PAK2: variants seen among roughly 807,000 people sequenced by gnomAD.
PAK2 encodes serine/threonine-protein kinase PAK 2.
PAK2 carries 21 observed loss-of-function variants against 65.9 expected under a neutral mutation model. The observed-to-expected ratio is 0.32, with a 90% CI of 0.23 to 0.46. The LOEUF (loss-of-function observed/expected upper bound fraction) is 0.46. Ranked by LOEUF, PAK2 falls within the 20% of genes least tolerant of loss-of-function variation. PAK2 has a pLI of 1.00. For missense variants in PAK2, 324 were observed against 642.6 expected (o/e 0.50, Z 5.36); for synonymous variants, 204 against 219.7 (o/e 0.93, Z 0.63).
intron 13 of PAK2, among the ~76,000 whole-genome samples, chr3:196,823,209 A>T (rs755141588): frequency 1.6e-4 from 25 of 152,126 alleles, no homozygotes; most frequent in Non-Finnish European, 3.5e-4. Context: ...GTATCAGTGG[A>T]GGTGGGAAAA....
intron 1 of PAK2, among the ~76,000 whole-genome samples, chr3:196,753,022 C>G (rs1017837690): frequency 2.0e-5 from 3 of 151,514 alleles, no homozygotes; most frequent in Non-Finnish European, 2.9e-5. Flanking sequence ...CCTGTGTCAC[C>G]CAGGCTGGAG....
intron 2 of PAK2, among the ~76,000 whole-genome samples, chr3:196,788,664 A>G (rs558973202): frequency 7.9e-5 from 12 of 152,218 alleles, no homozygotes; most frequent in Non-Finnish European, 1.8e-4. Context: ...AGTGCACAAC[A>G]TGTGTCCAAT....
At chr3:196,771,491 A>G (rs922021603) in intron 1 of PAK2, among the ~76,000 whole-genome samples, 1 of 151,998 alleles carries the variant, frequency 6.6e-6, no homozygotes, top group African/African-American at 2.4e-5. Context: ...CCTTCATTCT[A>G]CCACCTTCTG....
intron 1 of PAK2, among the ~76,000 whole-genome samples, chr3:196,750,457 G>A (rs904515587): frequency 2.6e-5 from 4 of 152,006 alleles, no homozygotes; most frequent in Non-Finnish European, 5.9e-5. Context: ...TATTTGGTAC[G>A]TGTGTAAATT....
Position 196,812,810 on chromosome 3 carries a change from G to A in PAK2, c.894G>A (p.Met298Ile). ...TGATCATTAACGAGATTCTGGTGAT[G>A]AAAGAATTGAAAAATCCCAACATCG... Reference protein sequence around the residue: ...KELIINEILVMKELKNPNIVN... With the variant: ...KELIINEILVIKELKNPNIVN... Residue 298 changes from methionine (M) to isoleucine (I), a missense_variant, in exon 10 of 15, where the codon ATG (methionine) becomes ATA (isoleucine). Physicochemically the swap from Met to Ile is conservative, Grantham distance 10. Around this residue, in one of 5 missense-constraint regions of PAK2, gnomAD observed 183 missense variants for 246.2 expected, o/e 0.74. Transcript: ENST00000327134. 1 of 1,566,618 alleles carries A rather than the reference G, an allele frequency of 6.4e-7. No individual in the cohort carries two copies. The highest frequency in any genetic ancestry group is 8.8e-7 in the Non-Finnish European group (1 of 1,137,446).
chr3:196,749,697 C>T (rs1406327779), intron 1 of PAK2, among the ~76,000 whole-genome samples: 1 of 152,166 alleles, frequency 6.6e-6, no homozygotes, highest in Non-Finnish European at 1.5e-5. Context: ...TCCAAAGTGG[C>T]TGTACCATTT....
At chr3:196,804,386 A>T (rs1029205680) in intron 4 of PAK2, among the ~76,000 whole-genome samples, 2 of 152,160 alleles carry the variant, frequency 1.3e-5, no homozygotes, top group African/African-American at 4.8e-5. Context: ...TTGAAAAACC[A>T]ATGTTTGACC....
rs1007282673 is a variant in PAK2, at chr3:196,740,124, G to C, written c.-55G>C. 1.3e-5 allele frequency: 2 copies of C among 152,164 alleles called. No individual in the cohort carries two copies. The highest frequency in any genetic ancestry group is 6.5e-5 in the Admixed American group (1 of 15,296). The allele number at this position is 152,164 out of a possible 1,614,324, so 9.4% of individuals were successfully genotyped here. On this transcript the variant is annotated 5_prime_UTR_variant, in exon 1 of 15. Transcript: ENST00000327134. ...GCCCGCCGGGAGCTCTGACCGAGGC[G>C]CCTCGCTGGGGCGGGGACCTTGCCT... is the stretch of plus-strand genomic sequence containing the variant.
At chr3:196,767,082 C>T (rs1430183974) in intron 1 of PAK2, among the ~76,000 whole-genome samples, 1 of 151,520 alleles carries the variant, frequency 6.6e-6, no homozygotes, top group East Asian at 1.9e-4. Context: ...TACTCCATGG[C>T]AGTATATGGA....
intron 13 of PAK2, among the ~76,000 whole-genome samples, chr3:196,821,070 A>G (rs916834004): frequency 2.0e-5 from 3 of 151,908 alleles, no homozygotes; most frequent in African/African-American, 7.3e-5. Flanking sequence ...CAAATTCTTG[A>G]CCTCAGTTGA....
intron 2 of PAK2, among the ~76,000 whole-genome samples, chr3:196,801,181 A>G (rs1282259834): frequency 1.3e-5 from 2 of 152,330 alleles, no homozygotes; most frequent in African/African-American, 4.8e-5. Flanking sequence ...GACAGTGTGT[A>G]TTATCTGCGG....
chr3:196,810,743 A>G (rs1309231810), intron 8 of PAK2, 90 bp downstream of exon 8: 3 of 744,262 alleles, frequency 4.0e-6, no homozygotes, highest in Non-Finnish European at 7.4e-6. Flanking sequence ...GCCGACATCA[A>G]GTACTTATAT....
rs555209858 is a variant in PAK2 at position 196,831,834 on chromosome 3, T to A, written c.*3429T>A. 4.6e-5 allele frequency: 7 copies of A among 152,318 alleles called. No individual in the cohort carries two copies. The highest frequency in any genetic ancestry group is 1.7e-4 in the African/African-American group (7 of 41,574). The allele number at this position is 152,318 out of a possible 1,614,324, so 9.4% of individuals were successfully genotyped here. A position where few individuals can be genotyped will look rare whatever the true frequency, so the allele number is the denominator to read the frequency against. On this transcript the variant is annotated 3_prime_UTR_variant, in exon 15 of 15. Coordinates refer to ENST00000327134, the MANE Select transcript of PAK2 (RefSeq NM_002577.4). ...GTGTCAAAATATTATAGATTATAGC[T>A]AAAATCCAGATTAATACTCATTTGG...
At chr3:196,782,999 A>G (rs1245366731) in intron 2 of PAK2, among the ~76,000 whole-genome samples, 166 bp downstream of exon 2, 1 of 152,252 alleles carries the variant, frequency 6.6e-6, no homozygotes, top group East Asian at 1.9e-4. Flanking sequence ...TGTGATTTTT[A>G]AAAGAATAAA....
intron 3 of PAK2, among the ~76,000 whole-genome samples, chr3:196,802,266 G>A (rs1715442961): frequency 6.6e-6 from 1 of 152,030 alleles, no homozygotes; most frequent in Admixed American, 6.6e-5. Flanking sequence ...CCAAGCGTGG[G>A]GGTGTATGCC....
At chr3:196,795,309 A>G (rs1381861021) in intron 2 of PAK2, among the ~76,000 whole-genome samples, 1 of 151,966 alleles carries the variant, frequency 6.6e-6, no homozygotes, top group Admixed American at 6.6e-5. Context: ...AAAAAAAGAA[A>G]AAAAGAAAAA....
intron 7 of PAK2, 35 bp downstream of exon 7, chr3:196,807,949 G>T (rs1255101273): frequency 1.3e-6 from 2 of 1,571,008 alleles, no homozygotes; most frequent in African/African-American, 1.4e-5. Flanking sequence ...TTGTTAAATT[G>T]TTCACGGCTC....
intron 10 of PAK2, 150 bp from the exon 11 acceptor site, chr3:196,814,301 C>T (rs113688525): frequency 2.9e-5 from 17 of 586,840 alleles, no homozygotes; most frequent in African/African-American, 7.7e-5. Flanking sequence ...TGTGCTGTTA[C>T]GTAGCAGCTT....
At chr3:196,744,400 T>C (rs1713301589) in intron 1 of PAK2, among the ~76,000 whole-genome samples, 1 of 152,024 alleles carries the variant, frequency 6.6e-6, no homozygotes, top group Non-Finnish European at 1.5e-5. Flanking sequence ...TTCAAACAAG[T>C]CAATTAAATA....
Sources: gnomAD v4.1 joint callset for allele counts (sites outside exome capture counted in the v4.1 genomes callset) on GRCh38, gnomAD v4.1.1 for gene constraint, gnomAD v4.1.1 regional missense constraint, MANE v1.5 for transcripts, NCBI Gene and HGNC (gene_info 2026-07-23, HGNC 2026-07-21) for gene names.